SETD5: variants seen among roughly 807,000 people sequenced by gnomAD.
The protein encoded by SETD5 is histone-lysine N-methyltransferase SETD5.
A neutral mutation model predicts 153.3 loss-of-function variants in SETD5; 44 were observed. The observed-to-expected ratio is 0.29, with a 90% CI of 0.23 to 0.37. SETD5 has a LOEUF of 0.37. SETD5 is among the 10% of genes least tolerant of loss of function. SETD5 has a pLI of 1.00. For missense variants in SETD5, 1,544 were observed against 1,768.0 expected, an observed-to-expected ratio of 0.87 and a Z score of 2.27; for synonymous variants, 716 against 645.2, an observed-to-expected ratio of 1.11 and a Z score of -1.66.
At chr3:9,442,883 T>C (rs2041471237) in intron 10 of SETD5, 1 of 169,310 alleles carries the variant, frequency 5.9e-6, no homozygotes, top group Admixed American at 5.6e-5. Flanking sequence ...TAAAAAAAAA[T>C]AGAAAACTTA....
chr3:9,405,586 G>A (rs1321669095), intron 1 of SETD5, among the ~76,000 whole-genome samples: 1 of 152,136 alleles, frequency 6.6e-6, no homozygotes, highest in Non-Finnish European at 1.5e-5. Context: ...CTCCTGAAAT[G>A]TGAAGACTCA....
At chr3:9,455,533 A>G (rs1007787855) in intron 17 of SETD5, among the ~76,000 whole-genome samples, 4 of 152,088 alleles carry the variant, frequency 2.6e-5, no homozygotes, top group Non-Finnish European at 5.9e-5. Flanking sequence ...GATAAATTAT[A>G]CTGTTTATTT....
chr3:9,455,740 G>T (rs2043158772), intron 17 of SETD5, among the ~76,000 whole-genome samples: 1 of 152,112 alleles, frequency 6.6e-6, no homozygotes, highest in Non-Finnish European at 1.5e-5. Flanking sequence ...TAATGCATGT[G>T]TATAGTTAAG....
chr3:9,474,415 T>G (rs1366768556), intron 20 of SETD5, 34 bp from the exon 21 acceptor site: 6 of 1,609,366 alleles, frequency 3.7e-6, no homozygotes, highest in Non-Finnish European at 3.4e-6. Context: ...GGTTAAGTCC[T>G]GTGGCTTGAA....
chr3:9,450,022 T>G (rs554025854), intron 16 of SETD5, among the ~76,000 whole-genome samples: 1 of 152,342 alleles, frequency 6.6e-6, no homozygotes, highest in Admixed American at 6.5e-5. Context: ...GCTCTTGAAT[T>G]GAAATTCCTT....
In SETD5 at chr3:9,446,306, A is replaced by AAAAAC. The variant is rs1553624517; in HGVS notation, c.1524+568_1524+569insAACAA. Among the ~76,000 whole-genome samples the AAAAAC allele has an allele frequency of 2.7e-4, 33 of 120,186 alleles. 1 individual carries two copies. The highest frequency in any genetic ancestry group is 3.4e-4 in the Non-Finnish European group (21 of 61,310). 78.8% of individuals were successfully genotyped at this position (120,186 alleles called of 152,430 possible). On this transcript the variant is annotated intron_variant, in intron 13 of 22. Coordinates refer to ENST00000402198, the MANE Select transcript of SETD5 (RefSeq NM_001080517.3). ...CATCTCAAAAAAAAAAAAAAAAAAA[A>AAAAAC]AATCTGGTTTCCGAAAAACTGGCTG...
chr3:9,476,255 C>G lies in SETD5; in HGVS notation c.*164C>G. 1.0e-6 allele frequency: 1 copy of G among 966,418 alleles called. No homozygotes were observed. The highest frequency in any genetic ancestry group is 1.5e-6 in the Non-Finnish European group (1 of 673,040). The allele number at this position is 966,418 out of a possible 1,614,324, so 59.9% of individuals were successfully genotyped here. On this transcript the variant is annotated 3_prime_UTR_variant, in exon 23 of 23. Transcript: ENST00000402198. ...CAAGACTTGTGGTCACAATTGGCCT[C>G]TGGCCTTGGAGAAAGCTGTAAATCT...
chr3:9,414,491 A>T (rs1372819409), intron 1 of SETD5, among the ~76,000 whole-genome samples: 1 of 152,174 alleles, frequency 6.6e-6, no homozygotes, highest in African/African-American at 2.4e-5. Context: ...CAACAGGTGA[A>T]AGGGCCTTTC....
At chr3:9,412,291 G>A (rs776592418) in intron 1 of SETD5, among the ~76,000 whole-genome samples, 83 of 150,960 alleles carry the variant, frequency 5.5e-4, no homozygotes, top group Non-Finnish European at 9.6e-4. Flanking sequence ...TTAGATATGG[G>A]CATTCTAGGA....
chr3:9,448,262 T>G (rs2042241454), intron 15 of SETD5, 126 bp from the exon 16 acceptor site: 1 of 1,394,588 alleles, frequency 7.2e-7, no homozygotes, highest in Non-Finnish European at 9.5e-7. Flanking sequence ...TGTGTTCTAG[T>G]TGCTCAATTC....
chr3:9,450,198 A>G (rs1397660369), intron 16 of SETD5, among the ~76,000 whole-genome samples: 1 of 152,212 alleles, frequency 6.6e-6, no homozygotes, highest in Non-Finnish European at 1.5e-5. Flanking sequence ...ACTTGTATCT[A>G]TAGCACATCC....
chr3:9,430,147 T>C, intron 3 of SETD5: 1 of 1,011,708 alleles, frequency 9.9e-7, no homozygotes, highest in Non-Finnish European at 1.2e-6. Flanking sequence ...GTACCAGATT[T>C]CTGGGTTGAA....
intron 2 of SETD5, among the ~76,000 whole-genome samples, chr3:9,424,925 A>T (rs1203702241): frequency 6.6e-6 from 1 of 152,194 alleles, no homozygotes; most frequent in Non-Finnish European, 1.5e-5. Context: ...AGCATTAGTT[A>T]GAATGAGATG....
intron 18 of SETD5, among the ~76,000 whole-genome samples, chr3:9,465,266 C>T (rs1292825318): frequency 6.6e-6 from 1 of 152,200 alleles, no homozygotes; most frequent in Admixed American, 6.5e-5. Context: ...AACATGTATT[C>T]ATGAGACAAA....
intron 1 of SETD5, among the ~76,000 whole-genome samples, chr3:9,422,056 A>G (rs1263222365): frequency 6.6e-6 from 1 of 152,164 alleles, no homozygotes; most frequent in African/African-American, 2.4e-5. Flanking sequence ...ACTTTTTATA[A>G]TTTTATAATA....
chr3:9,427,406 C>T (rs2039414595), intron 2 of SETD5, among the ~76,000 whole-genome samples: 1 of 152,116 alleles, frequency 6.6e-6, no homozygotes, highest in African/African-American at 2.4e-5. Flanking sequence ...AAAAATTAGC[C>T]AGACATGGTG....
chr3:9,400,060 G>A (rs1045556460), intron 1 of SETD5, among the ~76,000 whole-genome samples: 1 of 152,210 alleles, frequency 6.6e-6, no homozygotes, highest in Admixed American at 6.5e-5. Context: ...GGCGATGGCT[G>A]CTTCAGGACT....
chr3:9,464,548 A>C lies in SETD5; in HGVS notation c.2600A>C (p.Gln867Pro). The change falls in exon 18 of 23, where the codon CAG (glutamine) becomes CCG (proline). Residue 867 changes from glutamine (Q) to proline (P), a missense_variant. Physicochemically the swap from Gln to Pro is moderately conservative, Grantham distance 76. Transcript: ENST00000402198. Reference protein sequence around the residue: ...PPPNSGSKSPQLATPGSSHPG... With the variant: ...PPPNSGSKSPPLATPGSSHPG... ...CCCAATTCAGGCTCAAAGAGTCCCC[A>C]GCTGGCCACACCTGGCTCATCTCAC... The C allele has an allele frequency of 6.2e-7, 1 of 1,614,000 alleles. No homozygotes were observed. Among genetic ancestry groups the C allele is most frequent in the Non-Finnish European group, 8.5e-7 (1 of 1,179,878 alleles).
intron 17 of SETD5, among the ~76,000 whole-genome samples, chr3:9,456,331 C>A (rs2043235386): frequency 6.6e-6 from 1 of 151,916 alleles, no homozygotes; most frequent in African/African-American, 2.4e-5. Flanking sequence ...CAAAAATTAG[C>A]TGGGCCTGGT....
Sources: allele counts gnomAD v4.1 joint callset (sites outside exome capture counted in the v4.1 genomes callset), GRCh38; gene constraint gnomAD v4.1.1; transcripts MANE v1.5; gene names NCBI Gene and HGNC (gene_info 2026-07-23, HGNC 2026-07-21).